The following HMGCLL1 variants were observed in gnomAD, a reference collection of about 807,000 sequenced individuals.
HMGCLL1 encodes the protein 3-hydroxymethyl-3-methylglutaryl-CoA lyase, cytoplasmic.
Under a neutral mutation model 39.1 loss-of-function variants are expected in HMGCLL1, and 36 were observed. The ratio of observed to expected loss-of-function variants is 0.92; its 90% CI spans 0.71 to 1.22. HMGCLL1 has a LOEUF of 1.22. Among genes scored for constraint, HMGCLL1 ranks in the 50% most tolerant of loss-of-function variants. The pLI is 0.00. For missense variants in HMGCLL1, 451 were observed against 416.5 expected (o/e 1.08, Z -0.72); for synonymous variants, 149 against 144.0 (o/e 1.03, Z -0.25).
the HMGCLL1 span, among the ~76,000 whole-genome samples, chr6:55,631,748 T>G: frequency 6.6e-6 from 1 of 152,138 alleles, no homozygotes; most frequent in Non-Finnish European, 1.5e-5. Context: ...ACTGTGGAAT[T>G]GATATATGTA....
At chr6:55,526,745 T>TA (rs1306903860) in intron 3 of HMGCLL1, among the ~76,000 whole-genome samples, 1 of 152,088 alleles carries the variant, frequency 6.6e-6, no homozygotes, top group Non-Finnish European at 1.5e-5. Context: ...GGTATCCTTT[T>TA]ACAAATTTTT....
At chr6:55,535,406 A>T (rs758768775) in intron 3 of HMGCLL1, among the ~76,000 whole-genome samples, 2 of 152,234 alleles carry the variant, frequency 1.3e-5, no homozygotes, top group African/African-American at 2.4e-5. Context: ...AGGATAACTG[A>T]TTAATAGATC....
the HMGCLL1 span, among the ~76,000 whole-genome samples, chr6:55,652,258 T>A: frequency 1.3e-5 from 2 of 152,038 alleles, no homozygotes; most frequent in Non-Finnish European, 2.9e-5. Context: ...CTTTCTTCCA[T>A]CTATCTCTTA....
chr6:55,643,138 T>A, the HMGCLL1 span, among the ~76,000 whole-genome samples: 1 of 152,178 alleles, frequency 6.6e-6, no homozygotes, highest in Non-Finnish European at 1.5e-5. Context: ...ATGATTTATA[T>A]TTTGTTAGGT....
chr6:55,557,207 AT>A (rs1770721361), intron 1 of HMGCLL1, among the ~76,000 whole-genome samples: 1 of 152,182 alleles, frequency 6.6e-6, no homozygotes, highest in Non-Finnish European at 1.5e-5. Context: ...ATTTATTCGT[AT>A]ATTTTTCCAG....
At chr6:55,504,279 T>C (rs1767045122) in intron 5 of HMGCLL1, among the ~76,000 whole-genome samples, 2 of 151,772 alleles carry the variant, frequency 1.3e-5, no homozygotes, top group African/African-American at 4.8e-5. Flanking sequence ...TTTCCATACA[T>C]TCATATATTT....
chr6:55,543,918 T>C (rs1383752296), intron 1 of HMGCLL1, among the ~76,000 whole-genome samples: 2 of 152,000 alleles, frequency 1.3e-5, no homozygotes, highest in East Asian at 1.9e-4. Context: ...TCTACTTCCA[T>C]GAAGAGGTAT....
At chr6:55,670,467 G>A in the HMGCLL1 span, among the ~76,000 whole-genome samples, 6 of 151,672 alleles carry the variant, frequency 4.0e-5, no homozygotes, top group Admixed American at 1.3e-4. Context: ...TTCCATTTGA[G>A]GTCTATTAAA....
chr6:55,642,339 T>C, the HMGCLL1 span, among the ~76,000 whole-genome samples: 1 of 151,828 alleles, frequency 6.6e-6, no homozygotes, highest in East Asian at 1.9e-4. Flanking sequence ...TCTAAGTCTT[T>C]GCTATTGTGA....
chr6:55,630,445 G>A, the HMGCLL1 span, among the ~76,000 whole-genome samples: 4 of 152,170 alleles, frequency 2.6e-5, no homozygotes, highest in African/African-American at 7.2e-5. Context: ...CCTTGTCTCA[G>A]ATGAGACTTC....
At chr6:55,555,050 C>T (rs1004878570) in intron 1 of HMGCLL1, among the ~76,000 whole-genome samples, 1 of 152,222 alleles carries the variant, frequency 6.6e-6, no homozygotes, top group African/African-American at 2.4e-5. Context: ...CATCACTTCT[C>T]TGTTCAATAT....
chr6:55,471,723 G>T (rs1419727674), intron 7 of HMGCLL1, among the ~76,000 whole-genome samples: 2 of 150,930 alleles, frequency 1.3e-5, no homozygotes, highest in Non-Finnish European at 3.0e-5. Flanking sequence ...TATACATATA[G>T]AGAAGAGCAC....
chr6:55,511,726 T>A (rs907203800), intron 5 of HMGCLL1, among the ~76,000 whole-genome samples: 6 of 152,006 alleles, frequency 3.9e-5, no homozygotes, highest in Admixed American at 3.3e-4. Flanking sequence ...ATACCTAAAA[T>A]CAGATTGCCA....
At chr6:55,510,557 C>T (rs1037145782) in intron 5 of HMGCLL1, among the ~76,000 whole-genome samples, 3 of 144,018 alleles carry the variant, frequency 2.1e-5, no homozygotes, top group Admixed American at 7.3e-5. Context: ...AACCAAACAC[C>T]GCATGTTCTC....
At chr6:55,665,358 AG>A in the HMGCLL1 span, among the ~76,000 whole-genome samples, 1 of 151,774 alleles carries the variant, frequency 6.6e-6, no homozygotes, top group East Asian at 1.9e-4. Flanking sequence ...GCTGTAAAGT[AG>A]GAATACACTC....
chr6:55,545,926 G>A (rs993910825), intron 1 of HMGCLL1, among the ~76,000 whole-genome samples: 1 of 152,062 alleles, frequency 6.6e-6, no homozygotes, highest in Non-Finnish European at 1.5e-5. Flanking sequence ...ACTAGAGGAT[G>A]ACCAGGTAAC....
intron 7 of HMGCLL1, among the ~76,000 whole-genome samples, chr6:55,481,210 T>A (rs1439898011): frequency 6.6e-6 from 1 of 151,772 alleles, no homozygotes; most frequent in Non-Finnish European, 1.5e-5. Flanking sequence ...TGAGACCCTG[T>A]CTCTAAAAAA....
chr6:55,659,937 A>G, the HMGCLL1 span, among the ~76,000 whole-genome samples: 1 of 147,858 alleles, frequency 6.8e-6, no homozygotes. Flanking sequence ...AGAAAACTAC[A>G]GAAGTTTGGG....
intron 1 of HMGCLL1, among the ~76,000 whole-genome samples, chr6:55,553,271 A>C: frequency 1.8e-5 from 1 of 54,904 alleles, no homozygotes; most frequent in Non-Finnish European, 4.3e-5. Context: ...GTGTGTGTGT[A>C]TGTATGTATG....
Sources: allele counts gnomAD v4.1 joint callset (sites outside exome capture counted in the v4.1 genomes callset), GRCh38; gene constraint gnomAD v4.1.1; transcripts MANE v1.5; gene names NCBI Gene and HGNC (gene_info 2026-07-23, HGNC 2026-07-21).